Variants in FAF1 observed in about 807,000 individuals in gnomAD.
FAF1 encodes the protein FAS-associated factor 1.
In FAF1, 25 loss-of-function variants were observed where a neutral mutation model predicts 92.5. That is an observed-to-expected ratio of 0.27 (90% CI 0.20 to 0.38). FAF1 has a LOEUF of 0.38. Ranked by LOEUF, FAF1 falls within the 10% of genes least tolerant of loss-of-function variation. The probability of loss-of-function intolerance (pLI) is 1.00; values close to 1 mark genes in which losing one functional copy is unlikely to be tolerated. For missense variants in FAF1, 636 were observed against 793.3 expected, an observed-to-expected ratio of 0.80 and a Z score of 2.38; for synonymous variants, 234 against 273.2, an observed-to-expected ratio of 0.86 and a Z score of 1.42.
At chr1:50,863,966 TCTAGATTTTCTAGTTTATTTGC>T in intron 1 of FAF1, among the ~76,000 whole-genome samples, 1 of 152,194 alleles carries the variant, frequency 6.6e-6, no homozygotes, top group South Asian at 2.1e-4. Flanking sequence ...ATCCATTTCT[TCTAGATTTTCTAGTTTATTTGC>T]GTAGAGGTGT....
intron 12 of FAF1, among the ~76,000 whole-genome samples, chr1:50,571,522 G>A (rs765003770): frequency 6.6e-6 from 1 of 152,200 alleles, no homozygotes; most frequent in Non-Finnish European, 1.5e-5. Context: ...AACTATCCAT[G>A]CAAAATAAAG....
intron 7 of FAF1, among the ~76,000 whole-genome samples, chr1:50,659,937 A>G (rs1448558708): frequency 6.6e-6 from 1 of 152,180 alleles, no homozygotes. Context: ...CTTATTTGTC[A>G]TTGCTAATAA....
rs752490111 is a variant in FAF1, at chr1:50,868,340, GATAAA to G, written c.46-10348_46-10344del. ...AAAACTATTGAAATTTTTTAAAAAA[GATAAA>G]ATAAAAAATGTAAAAAAGAAAGTAC... is the stretch of plus-strand genomic sequence containing the variant. On this transcript the variant is annotated intron_variant, in intron 1 of 18. Transcript: ENST00000396153. 1.3e-3 allele frequency among the ~76,000 whole-genome samples: 190 copies of G among 151,994 alleles called. 1 individual carries two copies. Among genetic ancestry groups the G allele is most frequent in the Non-Finnish European group, 2.3e-3 (154 of 67,938 alleles).
chr1:50,739,300 A>G (rs1042441230), intron 5 of FAF1, among the ~76,000 whole-genome samples: 1 of 152,012 alleles, frequency 6.6e-6, no homozygotes, highest in African/African-American at 2.4e-5. Context: ...GTACATGTGT[A>G]CACGTACATG....
chr1:50,508,206 C>T, intron 15 of FAF1, among the ~76,000 whole-genome samples: 1 of 152,146 alleles, frequency 6.6e-6, no homozygotes, highest in East Asian at 1.9e-4. Flanking sequence ...ATAGAATTAC[C>T]ATATGACCCA....
chr1:50,718,258 G>A lies in FAF1; in HGVS notation c.552-12367C>T, dbSNP rs190247930. On this transcript the variant is annotated intron_variant, in intron 6 of 18. Coordinates refer to ENST00000396153, the MANE Select transcript of FAF1 (RefSeq NM_007051.3). ...GTTGACCAGGCTGGACTCAACTCCT[G>A]ACCTTGTGATCCGCCTGCCTCAGCC... is the stretch of plus-strand genomic sequence containing the variant. Among the ~76,000 whole-genome samples the A allele has an allele frequency of 6.1e-3, 935 of 152,212 alleles. 10 individuals carry two copies. The highest frequency in any genetic ancestry group is 0.011 in the Non-Finnish European group (728 of 68,010).
intron 18 of FAF1, among the ~76,000 whole-genome samples, chr1:50,455,775 T>G (rs1047284324): frequency 1.3e-5 from 2 of 152,234 alleles, no homozygotes; most frequent in Non-Finnish European, 2.9e-5. Flanking sequence ...GGTTCCCAGC[T>G]TAACCCCCTT....
chr1:50,888,848 G>A (rs2124697840), intron 1 of FAF1, among the ~76,000 whole-genome samples: 2 of 152,258 alleles, frequency 1.3e-5, no homozygotes, highest in Middle Eastern at 6.8e-3. Context: ...GTCTCTGCCA[G>A]GCTTTGGTAT....
At chr1:50,789,509 A>C (rs1476213674) in intron 3 of FAF1, among the ~76,000 whole-genome samples, 1 of 152,140 alleles carries the variant, frequency 6.6e-6, no homozygotes, top group Non-Finnish European at 1.5e-5. Flanking sequence ...CCACATACCT[A>C]ATCAGTCCTT....
chr1:50,957,588 C>T (rs1040458472), intron 1 of FAF1, among the ~76,000 whole-genome samples: 19 of 151,890 alleles, frequency 1.3e-4, no homozygotes, highest in Admixed American at 1.2e-3. Context: ...CTCCTGACCT[C>T]GTGATCCGCC....
intron 1 of FAF1, among the ~76,000 whole-genome samples, chr1:50,891,439 T>G (rs866471384): frequency 2.0e-5 from 3 of 152,224 alleles, no homozygotes; most frequent in Middle Eastern, 3.2e-3. Flanking sequence ...CTAAAAATTC[T>G]GATTTTTAGA....
chr1:50,568,389 G>A (rs1650267919), intron 12 of FAF1, among the ~76,000 whole-genome samples: 1 of 152,136 alleles, frequency 6.6e-6, no homozygotes, highest in African/African-American at 2.4e-5. Flanking sequence ...TAAGGCTCAT[G>A]CTGATGAAAG....
intron 8 of FAF1, among the ~76,000 whole-genome samples, chr1:50,637,706 T>C (rs150452107): frequency 6.7e-6 from 1 of 150,330 alleles, no homozygotes; most frequent in Non-Finnish European, 1.5e-5. Context: ...TGTGTGTGTG[T>C]GTGTGTGCGT....
In FAF1 at chr1:50,507,692, G is replaced by A. The variant is rs537194006; in HGVS notation, c.1495-15891C>T. On this transcript the variant is annotated intron_variant, in intron 15 of 18. Transcript: ENST00000396153. Reference sequence around the variant, plus strand: ...CATCATGTCACTGCCTTCTAGCCTGGGCAATAGTGTGAAACCCTGTCTTAA... The same window carrying A: ...CATCATGTCACTGCCTTCTAGCCTGAGCAATAGTGTGAAACCCTGTCTTAA... Among the ~76,000 whole-genome samples, 30 of 152,216 alleles carry A rather than the reference G, an allele frequency of 2.0e-4. No individual in the cohort carries two copies. The East Asian group carries it at 5.4e-3, about 27-fold the overall frequency.
chr1:50,619,024 T>C (rs545678160), intron 8 of FAF1, among the ~76,000 whole-genome samples: 22 of 152,218 alleles, frequency 1.4e-4, no homozygotes, highest in Admixed American at 1.4e-3. Flanking sequence ...CCCAAAGTGC[T>C]AGGATTACAG....
At chr1:50,681,263 T>TCAACCAG (rs1656407841) in intron 7 of FAF1, among the ~76,000 whole-genome samples, 1 of 152,012 alleles carries the variant, frequency 6.6e-6, no homozygotes, top group Non-Finnish European at 1.5e-5. Flanking sequence ...GCCAAGCTGG[T>TCAACCAG]CTTGAAGTCC....
At chr1:50,612,841 C>T (rs1010818527) in intron 8 of FAF1, among the ~76,000 whole-genome samples, 1 of 152,154 alleles carries the variant, frequency 6.6e-6, no homozygotes, top group Non-Finnish European at 1.5e-5. Flanking sequence ...CTCAGCCTAG[C>T]CAAGTAATTT....
chr1:50,717,980 T>C (rs1658246639), intron 6 of FAF1, among the ~76,000 whole-genome samples: 1 of 149,574 alleles, frequency 6.7e-6, no homozygotes. Context: ...ACTTCAAAAA[T>C]ACAATCCTTT....
chr1:50,847,847 G>C (rs1027880232), intron 2 of FAF1, among the ~76,000 whole-genome samples: 5 of 151,690 alleles, frequency 3.3e-5, no homozygotes, highest in African/African-American at 1.2e-4. Context: ...CAGCACCCAA[G>C]GCTGTAAGGC....
Sources: gnomAD v4.1 joint callset for allele counts (sites outside exome capture counted in the v4.1 genomes callset) on GRCh38, gnomAD v4.1.1 for gene constraint, MANE v1.5 for transcripts, NCBI Gene and HGNC (gene_info 2026-07-23, HGNC 2026-07-21) for gene names.